SNRK: variants seen among roughly 807,000 people sequenced by gnomAD.
The protein encoded by SNRK is SNF related kinase, also known as SNF-related serine/threonine-protein kinase.
SNRK carries 3 observed loss-of-function variants against 48.2 expected under a neutral mutation model. That is an observed-to-expected ratio of 0.06 (90% CI 0.03 to 0.16). SNRK has a LOEUF of 0.16. SNRK is among the 10% of genes least tolerant of loss of function. The pLI, the probability that SNRK is intolerant of heterozygous loss-of-function variation, is 1.00. For synonymous variants in SNRK, 376 were observed against 366.1 expected, an observed-to-expected ratio of 1.03 and a Z score of -0.31; for missense variants, 627 against 976.0, an observed-to-expected ratio of 0.64 and a Z score of 4.76.
intron 4 of SNRK, among the ~76,000 whole-genome samples, chr3:43,337,236 G>A (rs533557715): frequency 6.6e-6 from 1 of 151,888 alleles, no homozygotes; most frequent in Admixed American, 6.6e-5. Context: ...ACCACATCTG[G>A]CTAATTTTTT....
At chr3:43,287,010 G>A (rs1229889116) in intron 1 of SNRK, among the ~76,000 whole-genome samples, 3 of 148,256 alleles carry the variant, frequency 2.0e-5, no homozygotes, top group East Asian at 2.0e-4. Flanking sequence ...CTCGGAAGGC[G>A]CCCGCATCCC....
chr3:43,312,302 C>CA (rs2090984286), intron 3 of SNRK, among the ~76,000 whole-genome samples: 1 of 152,208 alleles, frequency 6.6e-6, no homozygotes, highest in African/African-American at 2.4e-5. Flanking sequence ...AGCCTATATA[C>CA]ACTCTCTACA....
chr3:43,330,189 A>T (rs965665395), intron 3 of SNRK, among the ~76,000 whole-genome samples: 4 of 152,188 alleles, frequency 2.6e-5, no homozygotes, highest in African/African-American at 7.2e-5. Flanking sequence ...TAGAAGAAAA[A>T]GTTTTTAACT....
intron 2 of SNRK, among the ~76,000 whole-genome samples, chr3:43,302,017 T>C (rs933987739): frequency 6.6e-6 from 1 of 152,208 alleles, no homozygotes; most frequent in Admixed American, 6.5e-5. Context: ...CAGTACGAAA[T>C]GTGGTTCTTA....
chr3:43,326,298 T>C (rs1435504120), intron 3 of SNRK, among the ~76,000 whole-genome samples: 1 of 151,942 alleles, frequency 6.6e-6, no homozygotes, highest in African/African-American at 2.4e-5. Flanking sequence ...GTGTGTAGGA[T>C]TGGGAATAAC....
intron 1 of SNRK, among the ~76,000 whole-genome samples, chr3:43,295,623 G>A (rs2090846556): frequency 6.6e-6 from 1 of 152,148 alleles, no homozygotes; most frequent in Admixed American, 6.5e-5. Context: ...GAAAAACTCT[G>A]AATTCTTTTA....
chr3:43,334,748 C>T (rs919668603), intron 4 of SNRK, among the ~76,000 whole-genome samples: 30 of 152,096 alleles, frequency 2.0e-4, no homozygotes, highest in African/African-American at 6.7e-4. Flanking sequence ...TGTGTGCCAC[C>T]GTGCCCAGCT....
intron 3 of SNRK, among the ~76,000 whole-genome samples, chr3:43,316,903 C>T (rs1280977400): frequency 6.6e-6 from 1 of 152,112 alleles, no homozygotes; most frequent in Non-Finnish European, 1.5e-5. Flanking sequence ...TGGTCCTGTG[C>T]AGGTCAGATT....
chr3:43,288,341 C>T (rs1486023892), intron 1 of SNRK, among the ~76,000 whole-genome samples: 1 of 152,022 alleles, frequency 6.6e-6, no homozygotes, highest in Non-Finnish European at 1.5e-5. Flanking sequence ...TTCTGTTTTA[C>T]TGCAGTAAGA....
chr3:43,303,161 C>A lies in SNRK; in HGVS notation c.-43C>A, dbSNP rs1037111470. On this transcript the variant is annotated 5_prime_UTR_variant, in exon 3 of 7. Transcript: ENST00000296088. The surrounding 1 kb of genome is among the most constrained non-coding windows in gnomAD (Gnocchi z 6.2). Reference sequence around the variant, plus strand: ...ACCAGATATTCTTATATGAGAAGATCTATTTTAAACAGTCTAAATATTTTT... The same window carrying A: ...ACCAGATATTCTTATATGAGAAGATATATTTTAAACAGTCTAAATATTTTT... The A allele has an allele frequency of 2.8e-6, 4 of 1,405,956 alleles. No individual in the cohort carries two copies. The highest frequency in any genetic ancestry group is 4.1e-5 in the Admixed American group (2 of 49,222). 87.1% of individuals were successfully genotyped at this position (1,405,956 alleles called of 1,614,324 possible).
chr3:43,344,296 T>C (rs189622482), intron 6 of SNRK, among the ~76,000 whole-genome samples: 14 of 152,264 alleles, frequency 9.2e-5, no homozygotes, highest in African/African-American at 3.1e-4. Context: ...GGGCTTACTT[T>C]TTTCATTATC....
At chr3:43,313,454 A>G (rs556211212) in intron 3 of SNRK, among the ~76,000 whole-genome samples, 13 of 152,338 alleles carry the variant, frequency 8.5e-5, no homozygotes, top group Admixed American at 3.9e-4. Context: ...CTCAGGTTAC[A>G]TGCTATATAA....
chr3:43,342,285 C>T lies in SNRK; in HGVS notation c.945-1059C>T, dbSNP rs887857382. On this transcript the variant is annotated intron_variant, in intron 5 of 6. Transcript: ENST00000296088. The stretch of plus-strand genomic sequence containing the variant: ...GCTGTCCTCTCAGCTAGCCTCACTC[C>T]GTGCTTGCTGCTCACATCATGAGAA... Among the ~76,000 whole-genome samples the T allele has an allele frequency of 5.3e-5, 8 of 152,150 alleles. No homozygotes were observed. In the East Asian group the frequency reaches 9.6e-4, roughly 18 times the overall value.
intron 2 of SNRK, among the ~76,000 whole-genome samples, chr3:43,302,608 G>A (rs2090906076): frequency 2.0e-5 from 3 of 151,686 alleles, no homozygotes; most frequent in Admixed American, 2.0e-4. Context: ...AATTCCAGCT[G>A]GGAGAGTTAG....
rs190839365 is a variant in SNRK at position 43,322,675 on chromosome 3, G to A, written c.590-9494G>A. ...ATGATAAAGACTGTATTGGTAGGCC[G>A]GGTGCAGTGGCTCATGCCTGTAATC... On this transcript the variant is annotated intron_variant, in intron 3 of 6. Transcript: ENST00000296088. Among the ~76,000 whole-genome samples, 85 of 152,258 alleles carry A rather than the reference G, an allele frequency of 5.6e-4. 1 individual carries two copies. The East Asian group carries it at 0.013, about 23-fold the overall frequency.
chr3:43,325,941 G>T (rs1413991364), intron 3 of SNRK, among the ~76,000 whole-genome samples: 1 of 152,046 alleles, frequency 6.6e-6, no homozygotes, highest in Non-Finnish European at 1.5e-5. Context: ...AATCGCCCAA[G>T]TATGATGTTT....
chr3:43,325,257 C>T (rs190788004), intron 3 of SNRK, among the ~76,000 whole-genome samples: 1 of 152,308 alleles, frequency 6.6e-6, no homozygotes, highest in Middle Eastern at 3.4e-3. Context: ...GCTCTGCCTC[C>T]CGGGTTCACA....
intron 3 of SNRK, among the ~76,000 whole-genome samples, chr3:43,323,173 G>C (rs2091068471): frequency 6.6e-6 from 1 of 152,106 alleles, no homozygotes; most frequent in Non-Finnish European, 1.5e-5. Flanking sequence ...CTCACGCCAT[G>C]TGTAAAAGCT....
At chr3:43,340,216 A>T in intron 4 of SNRK, 71 bp from the exon 5 acceptor site, 1 of 1,187,100 alleles carries the variant, frequency 8.4e-7, no homozygotes, top group Non-Finnish European at 1.3e-6. Flanking sequence ...CATTTTTGTT[A>T]ATAAAATGAT....
Sources: allele counts gnomAD v4.1 joint callset (sites outside exome capture counted in the v4.1 genomes callset), GRCh38; gene constraint gnomAD v4.1.1; non-coding constraint Gnocchi (gnomAD v3.1); transcripts MANE v1.5; gene names NCBI Gene and HGNC (gene_info 2026-07-23, HGNC 2026-07-21).